SORCS2: variants seen among roughly 807,000 people sequenced by gnomAD.
The protein encoded by SORCS2 is VPS10 domain-containing receptor SorCS2.
In SORCS2, 100 loss-of-function variants were observed where a neutral mutation model predicts 141.6. The observed-to-expected ratio is 0.71, with a 90% confidence interval of 0.60 to 0.83. The LOEUF (loss-of-function observed/expected upper bound fraction) is 0.83, where lower values mean the gene tolerates loss of function less well. Among genes scored for constraint, SORCS2 ranks in the 40% least tolerant of loss-of-function variants. The pLI is 0.00. For synonymous variants in SORCS2, 789 were observed against 676.9 expected, an observed-to-expected ratio of 1.17 and a Z score of -2.57; for missense variants, 1,646 against 1,560.2, an observed-to-expected ratio of 1.05 and a Z score of -0.93.
chr4:7,551,585 A>C (rs961505875), intron 3 of SORCS2, among the ~76,000 whole-genome samples: 2 of 152,172 alleles, frequency 1.3e-5, no homozygotes, highest in African/African-American at 2.4e-5. Context: ...CAAAGAGCCC[A>C]CTGGAGTAGG....
intron 3 of SORCS2, among the ~76,000 whole-genome samples, chr4:7,623,514 C>T (rs1028782375): frequency 6.6e-6 from 1 of 152,112 alleles, no homozygotes; most frequent in African/African-American, 2.4e-5. Context: ...CACTGTTTTT[C>T]CCCCAATGCC....
intron 11 of SORCS2, among the ~76,000 whole-genome samples, chr4:7,693,414 C>G (rs1228079684): frequency 6.6e-6 from 1 of 152,224 alleles, no homozygotes; most frequent in Non-Finnish European, 1.5e-5. Flanking sequence ...TCCTCGGGTT[C>G]CTGCTCCAGC....
intron 12 of SORCS2, among the ~76,000 whole-genome samples, chr4:7,701,125 C>A (rs1725050533): frequency 6.6e-6 from 1 of 152,084 alleles, no homozygotes; most frequent in African/African-American, 2.4e-5. Context: ...GTGGCACCAC[C>A]CCTCTGTGTC....
chr4:7,514,030 G>A (rs1210326604), intron 2 of SORCS2, among the ~76,000 whole-genome samples: 5 of 152,232 alleles, frequency 3.3e-5, no homozygotes, highest in Admixed American at 1.3e-4. Context: ...GGCATCGTGC[G>A]TGCATTTCAG....
At chr4:7,676,360 T>G in intron 9 of SORCS2, 131 bp downstream of exon 9, 1 of 930,826 alleles carries the variant, frequency 1.1e-6, no homozygotes, top group African/African-American at 1.6e-5. Context: ...ACACATCTTC[T>G]GTACACAGCC....
intron 2 of SORCS2, among the ~76,000 whole-genome samples, chr4:7,422,250 T>A (rs1375027833): frequency 6.6e-6 from 1 of 152,164 alleles, no homozygotes; most frequent in East Asian, 1.9e-4. Context: ...TGGGCTGATT[T>A]GTCTCAGAGC....
At chr4:7,320,145 AAATG>A (rs1467730294) in intron 1 of SORCS2, among the ~76,000 whole-genome samples, 1 of 152,254 alleles carries the variant, frequency 6.6e-6, no homozygotes, top group Non-Finnish European at 1.5e-5. Context: ...TCTACAAAAA[AAATG>A]AAAATAAGAT....
chr4:7,742,475 G>A lies in SORCS2; in HGVS notation c.*2211G>A, dbSNP rs1204874895. ...TTAATTCTCTCTGCTGTTTGGGTTG[G>A]GTTTTTCCCCTTAGTTATCTGTGGG... On this transcript the variant is annotated 3_prime_UTR_variant, in exon 27 of 27. Transcript: ENST00000507866. The A allele has an allele frequency of 2.6e-5, 4 of 152,204 alleles. No homozygotes were observed. The highest frequency in any genetic ancestry group is 9.7e-5 in the African/African-American group (4 of 41,440). The allele number at this position is 152,204 out of a possible 1,614,324, so 9.4% of individuals were successfully genotyped here.
At chr4:7,701,156 C>A (rs532803972) in intron 12 of SORCS2, among the ~76,000 whole-genome samples, 1 of 151,762 alleles carries the variant, frequency 6.6e-6, no homozygotes, top group Admixed American at 6.6e-5. Context: ...ACCTGACAGA[C>A]CCCCACTCTA....
rs190851759 is a variant in SORCS2, at chr4:7,415,994, A to C, written c.548+19639A>C. Among the ~76,000 whole-genome samples the C allele has an allele frequency of 2.6e-4, 40 of 152,332 alleles. No homozygotes were observed. The East Asian group carries it at 7.5e-3, about 29-fold the overall frequency. The stretch of plus-strand genomic sequence containing the variant: ...CAGACAAGGGAAACATGATGTGCAG[A>C]AACACAGAGGCATGTAGCAGCCTGG... On this transcript the variant is annotated intron_variant, in intron 2 of 26. Coordinates refer to ENST00000507866, the MANE Select transcript of SORCS2 (RefSeq NM_020777.3).
intron 1 of SORCS2, among the ~76,000 whole-genome samples, chr4:7,246,952 G>C (rs1048287786): frequency 3.0e-4 from 46 of 152,324 alleles, no homozygotes; most frequent in Non-Finnish European, 1.6e-4. Context: ...TCCTCCTCCA[G>C]GGTCCCCTTC....
intron 1 of SORCS2, among the ~76,000 whole-genome samples, chr4:7,330,023 G>A (rs1336126132): frequency 6.6e-6 from 1 of 151,972 alleles, no homozygotes; most frequent in Non-Finnish European, 1.5e-5. Context: ...TCCTTCTGGA[G>A]GCTCTAGGGG....
At chr4:7,199,859 C>T (rs1277421348) in intron 1 of SORCS2, among the ~76,000 whole-genome samples, 5 of 152,072 alleles carry the variant, frequency 3.3e-5, no homozygotes, top group African/African-American at 9.7e-5. Flanking sequence ...CCCACTCTCC[C>T]ACTCCCCAAA....
intron 23 of SORCS2, among the ~76,000 whole-genome samples, chr4:7,731,445 T>C (rs1711673598): frequency 6.6e-6 from 1 of 152,108 alleles, no homozygotes; most frequent in Non-Finnish European, 1.5e-5. Context: ...ATGATGTTTT[T>C]CACAGAAATA....
intron 1 of SORCS2, among the ~76,000 whole-genome samples, chr4:7,264,540 C>T (rs1364231060): frequency 3.3e-5 from 5 of 152,212 alleles, no homozygotes; most frequent in African/African-American, 9.6e-5. Context: ...GGGCACTCAG[C>T]CCCTGGTCTG....
chr4:7,475,402 C>A (rs1440022774), intron 2 of SORCS2, among the ~76,000 whole-genome samples: 1 of 152,176 alleles, frequency 6.6e-6, no homozygotes, highest in Non-Finnish European at 1.5e-5. Context: ...GGCCCGGATG[C>A]CTCTGAGGTC....
chr4:7,579,351 C>A (rs775852693), intron 3 of SORCS2, among the ~76,000 whole-genome samples: 22 of 152,054 alleles, frequency 1.4e-4, no homozygotes, highest in Non-Finnish European at 2.8e-4. Context: ...TAGGCCACAC[C>A]CACCCGTGTG....
intron 9 of SORCS2, among the ~76,000 whole-genome samples, chr4:7,676,434 CCTT>C (rs1723116941): frequency 6.6e-6 from 1 of 152,202 alleles, no homozygotes; most frequent in South Asian, 2.1e-4. Context: ...AAGAGAATTT[CCTT>C]CTTGAGGAAA....
In SORCS2 at chr4:7,740,318, A is replaced by G; in HGVS notation, c.*54A>G. ...ACGGAGGGCACAGAACCACCAGCAAAGCCGGCGGCTGGACTGGCGCCCCTC... is the reference window on the plus strand; with the variant it reads ...ACGGAGGGCACAGAACCACCAGCAAGGCCGGCGGCTGGACTGGCGCCCCTC... On this transcript the variant is annotated 3_prime_UTR_variant, in exon 27 of 27. Coordinates refer to ENST00000507866, the MANE Select transcript of SORCS2 (RefSeq NM_020777.3). The G allele has an allele frequency of 6.5e-7, 1 of 1,546,834 alleles. No individual in the cohort carries two copies. The highest frequency in any genetic ancestry group is 8.8e-7 in the Non-Finnish European group (1 of 1,133,556).
Sources: gnomAD v4.1 joint callset for allele counts (sites outside exome capture counted in the v4.1 genomes callset) on GRCh38, gnomAD v4.1.1 for gene constraint, MANE v1.5 for transcripts, NCBI Gene and HGNC (gene_info 2026-07-23, HGNC 2026-07-21) for gene names.